MIGA1: variants seen among roughly 807,000 people sequenced by gnomAD.
The protein encoded by MIGA1 is family with sequence similarity 73, member A.
MIGA1 carries 58 observed loss-of-function variants against 82.0 expected under a neutral mutation model. The observed-to-expected ratio is 0.71, with a 90% CI of 0.57 to 0.88. The LOEUF (loss-of-function observed/expected upper bound fraction) is 0.88, where lower values mean the gene tolerates loss of function less well. MIGA1 is among the 40% of genes least tolerant of loss of function. The probability of loss-of-function intolerance (pLI) is 0.00; values close to 1 mark genes in which losing one functional copy is unlikely to be tolerated. For synonymous variants in MIGA1, 249 were observed against 253.6 expected, an observed-to-expected ratio of 0.98 and a Z score of 0.17; for missense variants, 751 against 749.1, an observed-to-expected ratio of 1.00 and a Z score of -0.03.
intron 3 of MIGA1, 49 bp downstream of exon 3, chr1:77,801,557 C>A: frequency 6.8e-7 from 1 of 1,481,178 alleles, no homozygotes; most frequent in Non-Finnish European, 8.9e-7. Flanking sequence ...TAAATCATAA[C>A]TGGAATACAG....
intron 7 of MIGA1, among the ~76,000 whole-genome samples, chr1:77,836,390 T>G (rs1300314554): frequency 6.6e-6 from 1 of 151,980 alleles, no homozygotes; most frequent in Non-Finnish European, 1.5e-5. Flanking sequence ...ATCAGATAAA[T>G]TTTGGAGGAT....
chr1:77,830,449 T>G (rs1684199811), intron 7 of MIGA1, among the ~76,000 whole-genome samples: 1 of 152,220 alleles, frequency 6.6e-6, no homozygotes, highest in African/African-American at 2.4e-5. Context: ...TGTGAACTCT[T>G]ATTAGTTGTA....
rs557946635 is a variant in MIGA1 at position 77,806,807 on chromosome 1, G to A, written c.511-168G>A. 2.3e-3 allele frequency among the ~76,000 whole-genome samples: 343 copies of A among 152,242 alleles called. 1 individual carries two copies. The highest frequency in any genetic ancestry group is 3.3e-3 in the Non-Finnish European group (223 of 68,012). On this transcript the variant is annotated intron_variant, in intron 4 of 15. Transcript: ENST00000370791. ...GAGCAAACAGGCTTAGAATAGAGTC[G>A]TGATTTCTAAGTTTGATTGATTATC... is the stretch of plus-strand genomic sequence containing the variant.
At chr1:77,819,945 C>T (rs1375801178) in intron 7 of MIGA1, among the ~76,000 whole-genome samples, 1 of 151,956 alleles carries the variant, frequency 6.6e-6, no homozygotes, top group Non-Finnish European at 1.5e-5. Flanking sequence ...AGACGTCTTC[C>T]TTGAATGGGA....
At chr1:77,829,871 A>T (rs1684177814) in intron 7 of MIGA1, among the ~76,000 whole-genome samples, 1 of 151,086 alleles carries the variant, frequency 6.6e-6, no homozygotes, top group South Asian at 2.1e-4. Context: ...TTTCTGACTG[A>T]TTTGCAAAGC....
chr1:77,869,919 C>G (rs1449209324), intron 14 of MIGA1, among the ~76,000 whole-genome samples: 1 of 127,074 alleles, frequency 7.9e-6, no homozygotes, highest in East Asian at 2.5e-4. Context: ...GGGGGCTGAC[C>G]CCGCCCACCT....
chr1:77,838,870 C>T (rs1684526839), intron 7 of MIGA1, among the ~76,000 whole-genome samples: 1 of 152,202 alleles, frequency 6.6e-6, no homozygotes, highest in Non-Finnish European at 1.5e-5. Context: ...TGTAATTCTT[C>T]ACTCAGCATA....
chr1:77,804,537 AC>A (rs2101760040), intron 4 of MIGA1, among the ~76,000 whole-genome samples: 1 of 152,090 alleles, frequency 6.6e-6, no homozygotes, highest in Non-Finnish European at 1.5e-5. Flanking sequence ...ACATAGAGAA[AC>A]TTTGTCTCTA....
chr1:77,820,870 A>G (rs1266298897), intron 7 of MIGA1, among the ~76,000 whole-genome samples: 1 of 152,204 alleles, frequency 6.6e-6, no homozygotes, highest in African/African-American at 2.4e-5. Context: ...ATGGTGGCTC[A>G]TGCCTGTAAT....
chr1:77,785,115 T>C (rs535529505), intron 2 of MIGA1, among the ~76,000 whole-genome samples: 2 of 152,316 alleles, frequency 1.3e-5, no homozygotes, highest in East Asian at 3.9e-4. Flanking sequence ...CCTCAAAGTC[T>C]TGACTCATTT....
intron 8 of MIGA1, among the ~76,000 whole-genome samples, chr1:77,857,727 T>G (rs1422126301): frequency 2.7e-5 from 2 of 72,812 alleles, no homozygotes; most frequent in South Asian, 7.5e-4. Context: ...TGGGTTGTTG[T>G]TTTTTTTTTT....
At chr1:77,790,944 G>T (rs1235658196) in intron 2 of MIGA1, among the ~76,000 whole-genome samples, 2 of 151,938 alleles carry the variant, frequency 1.3e-5, no homozygotes, top group Non-Finnish European at 2.9e-5. Context: ...CTATAGTTTT[G>T]TCATTTCAAG....
Position 77,841,718 on chromosome 1 carries a change from C to A in MIGA1, c.896-1589C>A, listed in dbSNP as rs539096428. 2.2e-5 allele frequency among the ~76,000 whole-genome samples: 3 copies of A among 134,168 alleles called. No homozygotes were observed. In the Admixed American group the frequency reaches 2.3e-4, roughly 10 times the overall value. The allele number at this position is 134,168 out of a possible 152,430, so 88.0% of individuals were successfully genotyped here. A position where few individuals can be genotyped will look rare whatever the true frequency, so the allele number is the denominator to read the frequency against. On this transcript the variant is annotated intron_variant, in intron 7 of 15. Transcript: ENST00000370791. The stretch of plus-strand genomic sequence containing the variant: ...AAATGAAAATTTGGATGAATCAAAG[C>A]CAAGGAGACTTCTGCTTTCTTTCTT...
At chr1:77,779,767 AGGCG>A in intron 1 of MIGA1, 31 bp downstream of exon 1, 1 of 1,276,068 alleles carries the variant, frequency 7.8e-7, no homozygotes. Context: ...TGGGGTGGAG[AGGCG>A]GGCGGGAGGA....
chr1:77,872,320 G>C (rs1434534886), intron 14 of MIGA1, among the ~76,000 whole-genome samples: 1 of 152,164 alleles, frequency 6.6e-6, no homozygotes, highest in Non-Finnish European at 1.5e-5. Context: ...ACTTTTAAGG[G>C]CGGGGTGTGG....
chr1:77,857,523 T>C (rs901451419), intron 8 of MIGA1, among the ~76,000 whole-genome samples: 13 of 151,938 alleles, frequency 8.6e-5, no homozygotes, highest in African/African-American at 2.9e-4. Flanking sequence ...CCCCCCCTAA[T>C]TTTTTTAATT....
intron 4 of MIGA1, among the ~76,000 whole-genome samples, chr1:77,803,835 C>A (rs1159903922): frequency 6.6e-6 from 1 of 151,862 alleles, no homozygotes; most frequent in Non-Finnish European, 1.5e-5. Context: ...TAAATAGGAT[C>A]TAGTGTTTGA....
At chr1:77,810,797 A>G in intron 5 of MIGA1, 4 of 1,543,678 alleles carry the variant, frequency 2.6e-6, no homozygotes, top group Non-Finnish European at 3.5e-6. Flanking sequence ...TATGCTACAC[A>G]GAGCTATGAT....
intron 7 of MIGA1, among the ~76,000 whole-genome samples, chr1:77,819,904 C>T (rs1456141305): frequency 1.3e-5 from 2 of 151,990 alleles, no homozygotes; most frequent in East Asian, 1.9e-4. Flanking sequence ...CTCTTAATCA[C>T]CATGCTGTAT....
Sources: allele counts gnomAD v4.1 joint callset (sites outside exome capture counted in the v4.1 genomes callset), GRCh38; gene constraint gnomAD v4.1.1; transcripts MANE v1.5; gene names NCBI Gene and HGNC (gene_info 2026-07-23, HGNC 2026-07-21).